RPS6KA5: variants seen among roughly 807,000 people sequenced by gnomAD.
RPS6KA5 encodes the protein ribosomal protein S6 kinase A5, also known as ribosomal protein S6 kinase alpha-5.
In RPS6KA5, 27 loss-of-function variants were observed where a neutral mutation model predicts 85.5. The ratio of observed to expected loss-of-function variants is 0.32; its 90% CI spans 0.23 to 0.44. The LOEUF (loss-of-function observed/expected upper bound fraction) is 0.44. Among genes scored for constraint, RPS6KA5 ranks in the 20% least tolerant of loss-of-function variants. RPS6KA5 has a pLI of 1.00. For synonymous variants in RPS6KA5, 334 were observed against 348.2 expected (o/e 0.96, Z 0.46); for missense variants, 811 against 980.9 (o/e 0.83, Z 2.31).
chr14:90,950,963 A>ACCCTGTCTC (rs1373173357), intron 3 of RPS6KA5, among the ~76,000 whole-genome samples: 1 of 151,768 alleles, frequency 6.6e-6, no homozygotes, highest in Non-Finnish European at 1.5e-5. Context: ...TCTACTAAAA[A>ACCCTGTCTC]TACAAAATTA....
intron 1 of RPS6KA5, among the ~76,000 whole-genome samples, chr14:91,025,705 A>C (rs1466923844): frequency 1.3e-5 from 2 of 151,958 alleles, no homozygotes; most frequent in African/African-American, 4.8e-5. Context: ...AGAAGTTTCC[A>C]GGTTGGTCTG....
At chr14:90,878,719 C>T (rs2033637622) in intron 14 of RPS6KA5, among the ~76,000 whole-genome samples, 1 of 152,174 alleles carries the variant, frequency 6.6e-6, no homozygotes, top group East Asian at 1.9e-4. Flanking sequence ...AAAAGACAAC[C>T]TACTGTACCT....
At chr14:90,892,931 G>C (rs530731552) in intron 13 of RPS6KA5, among the ~76,000 whole-genome samples, 1 of 152,250 alleles carries the variant, frequency 6.6e-6, no homozygotes, top group South Asian at 2.1e-4. Flanking sequence ...CATTTCAAGT[G>C]AGTATTTGAA....
chr14:90,855,982 C>G lies in RPS6KA5; in HGVS notation c.*16092G>C, dbSNP rs1236820066. 6.6e-6 allele frequency: 1 copy of G among 152,178 alleles called. No individual in the cohort carries two copies. Among genetic ancestry groups the G allele is most frequent in the Non-Finnish European group, 1.5e-5 (1 of 68,066 alleles). The allele number at this position is 152,178 out of a possible 1,614,324, so 9.4% of individuals were successfully genotyped here. On this transcript the variant is annotated 3_prime_UTR_variant, in exon 17 of 17. Coordinates refer to ENST00000614987, the MANE Select transcript of RPS6KA5 (RefSeq NM_004755.4). The stretch of plus-strand genomic sequence containing the variant: ...GCCTTGGCCTCCCAAAAGGCCGGTG[C>G]TCCCATTATTATAATGAGTCCCAAA...
intron 3 of RPS6KA5, among the ~76,000 whole-genome samples, chr14:90,957,678 T>G: frequency 6.6e-6 from 1 of 152,152 alleles, no homozygotes; most frequent in East Asian, 1.9e-4. Flanking sequence ...TTTGCAGGAG[T>G]AGCTTTTGAG....
intron 3 of RPS6KA5, among the ~76,000 whole-genome samples, chr14:90,952,492 A>G (rs535123876): frequency 3.3e-4 from 50 of 152,372 alleles, no homozygotes; most frequent in African/African-American, 1.2e-3. Flanking sequence ...CAGTCATTAC[A>G]CTGGCCACCA....
At chr14:90,957,671 G>A (rs937152360) in intron 3 of RPS6KA5, among the ~76,000 whole-genome samples, 1 of 152,146 alleles carries the variant, frequency 6.6e-6, no homozygotes, top group African/African-American at 2.4e-5. Context: ...AGGCCCATTT[G>A]CAGGAGTAGC....
chr14:90,978,570 G>A, intron 2 of RPS6KA5, 46 bp from the exon 3 acceptor site: 2 of 1,407,998 alleles, frequency 1.4e-6, no homozygotes, highest in Non-Finnish European at 1.9e-6. Context: ...TGCTACACAG[G>A]CAAAATGGTA....
intron 3 of RPS6KA5, among the ~76,000 whole-genome samples, chr14:90,956,863 T>C (rs1404904637): frequency 6.6e-6 from 1 of 151,962 alleles, no homozygotes; most frequent in African/African-American, 2.4e-5. Context: ...AACCTAATAT[T>C]ACTATATATA....
At chr14:90,924,829 T>G (rs920121412) in intron 5 of RPS6KA5, among the ~76,000 whole-genome samples, 100 of 152,222 alleles carry the variant, frequency 6.6e-4, no homozygotes, top group African/African-American at 2.4e-3. Flanking sequence ...GGAATCCCAA[T>G]AGTAACTCAA....
intron 3 of RPS6KA5, among the ~76,000 whole-genome samples, chr14:90,953,541 T>C (rs1022931637): frequency 2.6e-5 from 4 of 152,196 alleles, no homozygotes; most frequent in African/African-American, 7.2e-5. Flanking sequence ...GCCTGCAGGG[T>C]TGGGCAAAAT....
intron 1 of RPS6KA5, chr14:91,060,115 T>C: frequency 1.0e-6 from 1 of 985,214 alleles, no homozygotes; most frequent in Non-Finnish European, 1.2e-6. Context: ...CCGCCGCTCA[T>C]TCCCGGGCTG....
rs11312699 is a variant in RPS6KA5, at chr14:90,885,741, C to CAAAA, written c.1836+4742_1836+4745dup. On this transcript the variant is annotated intron_variant, in intron 14 of 16. Transcript: ENST00000614987. ...TGGGTGACAGAGCAAGACTCCATCT[C>CAAAA]AAAAAAAAAAAAAAAAAAAAAAAAA... is the stretch of plus-strand genomic sequence containing the variant. Among the ~76,000 whole-genome samples the CAAAA allele has an allele frequency of 2.4e-3, 68 of 27,894 alleles. 2 individuals carry two copies. The highest frequency in any genetic ancestry group is 4.4e-3 in the African/African-American group (25 of 5,648). 18.3% of individuals were successfully genotyped at this position (27,894 alleles called of 152,430 possible).
intron 14 of RPS6KA5, among the ~76,000 whole-genome samples, chr14:90,887,047 AT>A (rs1366996124): frequency 6.6e-6 from 1 of 152,232 alleles, no homozygotes; most frequent in East Asian, 1.9e-4. Context: ...TTATGGGATA[AT>A]TCAGCCTTTG....
chr14:90,927,662 G>A (rs28722138), intron 5 of RPS6KA5, among the ~76,000 whole-genome samples: 2,909 of 152,082 alleles, frequency 0.019, 73 homozygotes, highest in African/African-American at 0.053. Context: ...TCTATTCCAA[G>A]CTTGAATATC....
At chr14:90,879,781 AT>A (rs10609342) in intron 14 of RPS6KA5, among the ~76,000 whole-genome samples, 33,902 of 128,742 alleles carry the variant, frequency 0.26, 3,192 homozygotes, top group Middle Eastern at 0.3. Context: ...TCCACTCCTA[AT>A]TTTTTTTTTT....
chr14:90,885,552 CAAAAAAAAAAAAAAAA>C (rs780292114), intron 14 of RPS6KA5, among the ~76,000 whole-genome samples: 21 of 19,870 alleles, frequency 1.1e-3, no homozygotes, highest in African/African-American at 2.5e-3. Context: ...GACTCCGTCT[CAAAAAAAAAAAAAAAA>C]AAAAAAAAAA....
intron 7 of RPS6KA5, among the ~76,000 whole-genome samples, chr14:90,912,355 T>G (rs1471139442): frequency 6.6e-6 from 1 of 152,118 alleles, no homozygotes. Flanking sequence ...CTGCCAGACT[T>G]GGAAAGAAAA....
intron 2 of RPS6KA5, among the ~76,000 whole-genome samples, chr14:91,000,148 T>C (rs538674407): frequency 6.6e-5 from 10 of 152,334 alleles, no homozygotes; most frequent in African/African-American, 2.4e-4. Flanking sequence ...GCAGATATTT[T>C]CCATATCCAT....
Sources: gnomAD v4.1 joint callset for allele counts (sites outside exome capture counted in the v4.1 genomes callset) on GRCh38, gnomAD v4.1.1 for gene constraint, MANE v1.5 for transcripts, NCBI Gene and HGNC (gene_info 2026-07-23, HGNC 2026-07-21) for gene names.